MACROD1: variants seen among roughly 807,000 people sequenced by gnomAD.
MACROD1 encodes mono-ADP ribosylhydrolase 1, also known as ADP-ribose glycohydrolase MACROD1.
MACROD1 carries 31 observed loss-of-function variants against 41.4 expected under a neutral mutation model. The observed-to-expected ratio is 0.75, with a 90% CI of 0.56 to 1.01. The LOEUF (loss-of-function observed/expected upper bound fraction) is 1.01, where lower values mean the gene tolerates loss of function less well. Ranked by LOEUF, MACROD1 falls within the 50% of genes least tolerant of loss-of-function variation. MACROD1 has a pLI of 0.00. For missense variants in MACROD1, 473 were observed against 460.0 expected (o/e 1.03, Z -0.26); for synonymous variants, 252 against 203.4 (o/e 1.24, Z -2.03).
intron 3 of MACROD1, among the ~76,000 whole-genome samples, chr11:64,133,761 G>A (rs1023670724): frequency 2.0e-5 from 3 of 152,188 alleles, no homozygotes; most frequent in Non-Finnish European, 4.4e-5. Flanking sequence ...TAGGACCCTA[G>A]GGCACCCCAG....
chr11:64,069,005 A>G (rs530628010), intron 3 of MACROD1, among the ~76,000 whole-genome samples: 1 of 152,306 alleles, frequency 6.6e-6, no homozygotes, highest in South Asian at 2.1e-4. Context: ...GCCACTCACT[A>G]ATCAGCTTGG....
rs1037998689 is a variant in MACROD1, at chr11:64,067,844, G to C, written c.518-52563C>G. On this transcript the variant is annotated intron_variant, in intron 3 of 10. Coordinates refer to ENST00000255681, the MANE Select transcript of MACROD1 (RefSeq NM_014067.4). The surrounding 1 kb of genome is among the most constrained non-coding windows in gnomAD (Gnocchi z 4.6). ...TCCTGAAATGGGTGATGAGGGGGTT[G>C]GGGGAGGAGCTGAGCGGCCCACTTC... Among the ~76,000 whole-genome samples, 1 of 152,188 alleles carries C rather than the reference G, an allele frequency of 6.6e-6. No homozygotes were observed. The highest frequency in any genetic ancestry group is 1.9e-4 in the East Asian group (1 of 5,188).
intron 1 of MACROD1, among the ~76,000 whole-genome samples, chr11:64,158,940 C>T (rs1212469229): frequency 1.3e-5 from 2 of 151,992 alleles, no homozygotes; most frequent in African/African-American, 4.8e-5. Context: ...AATCCCAGCA[C>T]TTTGGGAGGC....
intron 3 of MACROD1, among the ~76,000 whole-genome samples, chr11:64,112,172 C>A (rs1280756635): frequency 1.3e-5 from 2 of 152,172 alleles, no homozygotes; most frequent in East Asian, 3.8e-4. Context: ...ATAAGATGCA[C>A]AAATCCCTGC....
intron 3 of MACROD1, among the ~76,000 whole-genome samples, chr11:64,115,990 A>G (rs183983859): frequency 2.3e-3 from 352 of 152,298 alleles, no homozygotes; most frequent in Middle Eastern, 0.017. Context: ...TTGGCTCCTG[A>G]TAAGATTTAA....
chr11:64,035,379 G>A (rs1943353421), intron 3 of MACROD1, among the ~76,000 whole-genome samples: 1 of 152,284 alleles, frequency 6.6e-6, no homozygotes, highest in Admixed American at 6.5e-5. Flanking sequence ...GTGAATGAAT[G>A]CACGGGTGGA....
At chr11:64,010,331 T>C (rs1449077918) in intron 4 of MACROD1, among the ~76,000 whole-genome samples, 1 of 139,560 alleles carries the variant, frequency 7.2e-6, no homozygotes, top group Non-Finnish European at 1.6e-5. Flanking sequence ...TTTGGGGTGT[T>C]GGTTGGGGTG....
intron 3 of MACROD1, among the ~76,000 whole-genome samples, chr11:64,086,637 T>C (rs1944400263): frequency 6.6e-6 from 1 of 152,168 alleles, no homozygotes; most frequent in African/African-American, 2.4e-5. Context: ...GCCCCACTTC[T>C]GTCTGAGACT....
At chr11:64,141,463 C>G (rs1171266599) in intron 3 of MACROD1, among the ~76,000 whole-genome samples, 1 of 152,242 alleles carries the variant, frequency 6.6e-6, no homozygotes, top group East Asian at 1.9e-4. Context: ...CACAGAGTAC[C>G]CATCCGTTAA....
At position 63,999,685 on chromosome 11, in the gene MACROD1, A is replaced by G; in HGVS notation, c.743T>C (p.Leu248Pro). Residue 248 changes from leucine to proline, a missense_variant, in exon 6 of 11, where the codon CTG becomes CCG. Leu to Pro is a moderately conservative substitution (Grantham distance 98). Transcript: ENST00000255681. ...CTCCAGCAGCAGGTCCAGACTGCTC[A>G]GGTAGCAGCTGCGGAGCTCGGCAGC... ...SQAAELRSCY[L>P]SSLDLLLEHR... The G allele has an allele frequency of 6.2e-7, 1 of 1,609,314 alleles. No homozygotes were observed. The highest frequency in any genetic ancestry group is 8.5e-7 in the Non-Finnish European group (1 of 1,179,168).
At chr11:64,058,657 T>C (rs1413628875) in intron 3 of MACROD1, among the ~76,000 whole-genome samples, 1 of 152,230 alleles carries the variant, frequency 6.6e-6, no homozygotes, top group East Asian at 1.9e-4. Context: ...CCCATGACAC[T>C]GAACAGCTTC....
At chr11:64,093,292 C>T (rs1011180817) in intron 3 of MACROD1, among the ~76,000 whole-genome samples, 10 of 152,228 alleles carry the variant, frequency 6.6e-5, no homozygotes, top group African/African-American at 1.9e-4. Flanking sequence ...ATCTAGAACT[C>T]GATCGAGTCA....
intron 3 of MACROD1, among the ~76,000 whole-genome samples, chr11:64,095,205 T>C (rs531564797): frequency 1.3e-5 from 2 of 152,324 alleles, no homozygotes; most frequent in Middle Eastern, 3.4e-3. Flanking sequence ...TTATTTAAAA[T>C]AGTCTCTCTT....
At chr11:64,047,026 C>G (rs1157357730) in intron 3 of MACROD1, among the ~76,000 whole-genome samples, 1 of 152,202 alleles carries the variant, frequency 6.6e-6, no homozygotes, top group African/African-American at 2.4e-5. Context: ...GCTGATGCAC[C>G]AGCCTCGCCC....
At position 63,998,950 on chromosome 11, in the gene MACROD1, C is replaced by T. The variant is rs750366557; in HGVS notation, c.973+5G>A. The T allele has an allele frequency of 6.3e-7, 1 of 1,589,734 alleles. No individual in the cohort carries two copies. The highest frequency in any genetic ancestry group is 1.3e-5 in the African/African-American group (1 of 74,698). ...GCGGGCCGTGGGGCGGCGCGGGGCA[C>T]GTACCCACGGGGAAGTAGTGGGGGA... is the stretch of plus-strand genomic sequence containing the variant. On this transcript the variant is annotated splice_donor_5th_base_variant and intron_variant, in intron 9 of 10. Transcript: ENST00000255681.
At chr11:64,020,331 T>C (rs1024209015) in intron 3 of MACROD1, among the ~76,000 whole-genome samples, 7 of 152,116 alleles carry the variant, frequency 4.6e-5, no homozygotes, top group African/African-American at 1.7e-4. Context: ...AAAGTGATCC[T>C]CTCACAATGT....
At chr11:64,155,797 C>G (rs886811718) in intron 1 of MACROD1, among the ~76,000 whole-genome samples, 3 of 152,006 alleles carry the variant, frequency 2.0e-5, no homozygotes, top group African/African-American at 7.2e-5. Flanking sequence ...AACCCCATCT[C>G]TACCAAAAAA....
Position 64,145,298 on chromosome 11 carries a change from G to A in MACROD1, c.517+5941C>T, listed in dbSNP as rs529329924. Among the ~76,000 whole-genome samples, 343 of 152,216 alleles carry A rather than the reference G, an allele frequency of 2.3e-3. 2 individuals are homozygous for A. Among genetic ancestry groups the A allele is most frequent in the South Asian group, 0.01 (50 of 4,818 alleles). ...CCTCAAAGGCTAGCTGACCCGCCTCGCCTCCCGCCACCTCCTTGCAGAATT... is the reference window on the plus strand; with the variant it reads ...CCTCAAAGGCTAGCTGACCCGCCTCACCTCCCGCCACCTCCTTGCAGAATT... On this transcript the variant is annotated intron_variant, in intron 3 of 10. Coordinates refer to ENST00000255681, the MANE Select transcript of MACROD1 (RefSeq NM_014067.4).
At chr11:64,126,383 G>A (rs1196829856) in intron 3 of MACROD1, among the ~76,000 whole-genome samples, 2 of 152,066 alleles carry the variant, frequency 1.3e-5, no homozygotes, top group Non-Finnish European at 2.9e-5. Flanking sequence ...GTGTGGCGTC[G>A]AAATAGGCTA....
Sources: allele counts gnomAD v4.1 joint callset (sites outside exome capture counted in the v4.1 genomes callset), GRCh38; gene constraint gnomAD v4.1.1; non-coding constraint Gnocchi (gnomAD v3.1); transcripts MANE v1.5; gene names NCBI Gene and HGNC (gene_info 2026-07-23, HGNC 2026-07-21).